The following RPH3A variants were observed in gnomAD, a reference collection of about 807,000 sequenced individuals.
RPH3A encodes the protein rabphilin 3A, also known as rabphilin-3A.
In RPH3A, 48 loss-of-function variants were observed where a neutral mutation model predicts 102.2. The observed-to-expected ratio is 0.47, with a 90% CI of 0.37 to 0.60. The LOEUF is 0.60. Among genes scored for constraint, RPH3A ranks in the 20% least tolerant of loss-of-function variants. RPH3A has a pLI of 0.00. For synonymous variants in RPH3A, 310 were observed against 324.3 expected (o/e 0.96, Z 0.47); for missense variants, 781 against 910.1 (o/e 0.86, Z 1.83).
chr12:112,715,634 T>A (rs2040508576), intron 1 of RPH3A, among the ~76,000 whole-genome samples: 1 of 152,208 alleles, frequency 6.6e-6, no homozygotes, highest in South Asian at 2.1e-4. Flanking sequence ...TAGATTTTTC[T>A]CTTCCCAACT....
At chr12:112,772,464 C>T (rs992796629) in intron 1 of RPH3A, among the ~76,000 whole-genome samples, 1 of 152,176 alleles carries the variant, frequency 6.6e-6, no homozygotes, top group African/African-American at 2.4e-5. Flanking sequence ...TTTCTAAGTG[C>T]CCCCAAGGGG....
intron 2 of RPH3A, among the ~76,000 whole-genome samples, chr12:112,808,815 G>A (rs1403241999): frequency 2.0e-5 from 3 of 152,134 alleles, no homozygotes; most frequent in African/African-American, 7.2e-5. Flanking sequence ...ATGAATTTGT[G>A]CCTTAAGTAT....
intron 1 of RPH3A, among the ~76,000 whole-genome samples, chr12:112,766,793 T>G (rs2136070019): frequency 6.6e-6 from 1 of 152,264 alleles, no homozygotes; most frequent in African/African-American, 2.4e-5. Context: ...TGCATGGAGC[T>G]CTGAGAGCAT....
At chr12:112,747,493 G>A (rs996477237) in intron 1 of RPH3A, among the ~76,000 whole-genome samples, 149 of 152,332 alleles carry the variant, frequency 9.8e-4, no homozygotes, top group African/African-American at 3.5e-3. Context: ...AGACAGTGCT[G>A]TATCTCTAGT....
At position 112,896,809 on chromosome 12, in the gene RPH3A, C is replaced by T. The variant is rs746491230; in HGVS notation, c.*29C>T. Reference sequence around the variant, plus strand: ...AGTGCCCAGGTCCCCATCTCCATGTCCCGGGTCCCCCCCAGCCTGCTCTAG... The same window carrying T: ...AGTGCCCAGGTCCCCATCTCCATGTTCCGGGTCCCCCCCAGCCTGCTCTAG... On this transcript the variant is annotated 3_prime_UTR_variant, in exon 22 of 22. Coordinates refer to ENST00000389385, the MANE Select transcript of RPH3A (RefSeq NM_001143854.2). 2 of 1,612,484 alleles carry T rather than the reference C, an allele frequency of 1.2e-6. No homozygotes were observed.
At chr12:112,824,831 G>A (rs1479505852) in intron 2 of RPH3A, among the ~76,000 whole-genome samples, 1 of 152,150 alleles carries the variant, frequency 6.6e-6, no homozygotes, top group African/African-American at 2.4e-5. Flanking sequence ...GTGCGTGACT[G>A]AACAAAGGAG....
At chr12:112,835,935 T>C (rs1000336902) in intron 3 of RPH3A, among the ~76,000 whole-genome samples, 1 of 152,200 alleles carries the variant, frequency 6.6e-6, no homozygotes, top group Non-Finnish European at 1.5e-5. Context: ...CTATCTAGCA[T>C]TTAAGTCTGC....
At chr12:112,869,710 A>C in intron 8 of RPH3A, 49 bp from the exon 9 acceptor site, 2 of 1,588,796 alleles carry the variant, frequency 1.3e-6, no homozygotes, top group Non-Finnish European at 1.7e-6. Flanking sequence ...CCGGTTTTCC[A>C]GACACCAGAA....
At position 112,888,014 on chromosome 12, in the gene RPH3A, C is replaced by T. The variant is rs544260738; in HGVS notation, c.1563+91C>T. The T allele has an allele frequency of 1.1e-4, 160 of 1,455,888 alleles. 1 individual carries two copies. Among genetic ancestry groups the T allele is most frequent in the South Asian group, 6.1e-4 (49 of 79,862 alleles). 90.2% of individuals were successfully genotyped at this position (1,455,888 alleles called of 1,614,324 possible). A position where few individuals can be genotyped will look rare whatever the true frequency, so the allele number is the denominator to read the frequency against. ...GTCTGAATTGGGGGAAATAGATCCACGGGGTATTGGGTAGCAGAGGCACTG... is the reference window on the plus strand; with the variant it reads ...GTCTGAATTGGGGGAAATAGATCCATGGGGTATTGGGTAGCAGAGGCACTG... On this transcript the variant is annotated intron_variant, in intron 17 of 21. Coordinates refer to ENST00000389385, the MANE Select transcript of RPH3A (RefSeq NM_001143854.2).
At chr12:112,857,975 G>A (rs1228458855) in intron 5 of RPH3A, among the ~76,000 whole-genome samples, 1 of 152,106 alleles carries the variant, frequency 6.6e-6, no homozygotes, top group Non-Finnish European at 1.5e-5. Flanking sequence ...TCCAAGTGTT[G>A]TCTCTAAATG....
intron 21 of RPH3A, 118 bp downstream of exon 21, chr12:112,895,991 C>A: frequency 2.9e-6 from 2 of 681,836 alleles, no homozygotes; most frequent in South Asian, 3.6e-5. Flanking sequence ...CCTCATTGTT[C>A]AAATGCTAAA....
At chr12:112,665,743 T>C (rs2040079376) in intron 1 of RPH3A, among the ~76,000 whole-genome samples, 1 of 152,230 alleles carries the variant, frequency 6.6e-6, no homozygotes, top group Non-Finnish European at 1.5e-5. Flanking sequence ...CAGGCTCTCC[T>C]GTCAGAGTTT....
At chr12:112,841,195 G>C (rs1473560099) in intron 4 of RPH3A, among the ~76,000 whole-genome samples, 2 of 25,938 alleles carry the variant, frequency 7.7e-5, no homozygotes, top group East Asian at 1.4e-3. Flanking sequence ...AAAAAAAAAA[G>C]CCTCGTTGGA....
rs115560978 is a variant in RPH3A, at chr12:112,719,581, T to C, written c.-139-72562T>C. ...GAACACTCCATGAGGGCAGGGACCATATCTATCTTGCTTATCATCATAGCT... is the reference window on the plus strand; with the variant it reads ...GAACACTCCATGAGGGCAGGGACCACATCTATCTTGCTTATCATCATAGCT... On this transcript the variant is annotated intron_variant, in intron 1 of 21. Coordinates refer to the RPH3A transcript ENST00000543106. Among the ~76,000 whole-genome samples the C allele has an allele frequency of 5.2e-3, 793 of 152,322 alleles. 8 individuals carry two copies. The highest frequency in any genetic ancestry group is 0.018 in the African/African-American group (764 of 41,564).
intron 10 of RPH3A, among the ~76,000 whole-genome samples, chr12:112,870,956 T>C (rs1035631685): frequency 6.6e-6 from 1 of 152,208 alleles, no homozygotes; most frequent in Non-Finnish European, 1.5e-5. Flanking sequence ...CATTTAATGT[T>C]TGCCACAACT....
At chr12:112,793,038 C>T (rs1431052195) in intron 2 of RPH3A, among the ~76,000 whole-genome samples, 1 of 152,184 alleles carries the variant, frequency 6.6e-6, no homozygotes, top group Non-Finnish European at 1.5e-5. Flanking sequence ...GGGAACAAAG[C>T]TTGTTCAAAT....
intron 2 of RPH3A, among the ~76,000 whole-genome samples, chr12:112,826,446 T>C (rs952736549): frequency 2.0e-5 from 3 of 152,166 alleles, no homozygotes; most frequent in Non-Finnish European, 4.4e-5. Context: ...TTTTTCGGGA[T>C]GAAGGGAAGG....
chr12:112,763,663 TA>T (rs1213633871), intron 1 of RPH3A, among the ~76,000 whole-genome samples: 1 of 152,244 alleles, frequency 6.6e-6, no homozygotes, highest in Non-Finnish European at 1.5e-5. Flanking sequence ...GAATAGATTG[TA>T]AATGTTTCTT....
At chr12:112,724,567 T>A (rs1157066309) in intron 1 of RPH3A, among the ~76,000 whole-genome samples, 14 of 152,242 alleles carry the variant, frequency 9.2e-5, no homozygotes, top group Non-Finnish European at 4.4e-5. Context: ...CTCAGCGATA[T>A]CAAATGCTTA....
Sources: allele counts gnomAD v4.1 joint callset (sites outside exome capture counted in the v4.1 genomes callset), GRCh38; gene constraint gnomAD v4.1.1; transcripts MANE v1.5; gene names NCBI Gene and HGNC (gene_info 2026-07-23, HGNC 2026-07-21).